LRRC7: variants seen among roughly 807,000 people sequenced by gnomAD.
LRRC7 encodes leucine rich repeat containing 7, also known as leucine-rich repeat-containing protein 7.
A neutral mutation model predicts 175.7 loss-of-function variants in LRRC7; 23 were observed. The ratio of observed to expected loss-of-function variants is 0.13; its 90% confidence interval spans 0.09 to 0.19. The LOEUF is 0.19. Ranked by LOEUF, LRRC7 falls within the 10% of genes least tolerant of loss-of-function variation. The pLI, the probability that LRRC7 is intolerant of heterozygous loss-of-function variation, is 1.00. For synonymous variants in LRRC7, 685 were observed against 680.9 expected, an observed-to-expected ratio of 1.01 and a Z score of -0.09; for missense variants, 1,354 against 1,904.7, an observed-to-expected ratio of 0.71 and a Z score of 5.38.
rs186809146 is a variant in LRRC7 at position 69,901,105 on chromosome 1, G to A, written c.648-30402G>A. Among the ~76,000 whole-genome samples the A allele has an allele frequency of 2.0e-3, 301 of 152,138 alleles. 2 individuals are homozygous for A. Among genetic ancestry groups the A allele is most frequent in the Admixed American group, 3.5e-3 (53 of 15,270 alleles). On this transcript the variant is annotated intron_variant, in intron 7 of 26. Coordinates refer to ENST00000651989, the MANE Select transcript of LRRC7 (RefSeq NM_001370785.2). ...AAATGATATGATCAAATTATTTTGG[G>A]GTTTACTCTGGTGATGATGTTATGG...
chr1:69,988,011 A>G (rs921991792), intron 10 of LRRC7, among the ~76,000 whole-genome samples: 36 of 152,312 alleles, frequency 2.4e-4, no homozygotes, highest in African/African-American at 8.7e-4. Flanking sequence ...GTGATCAGAC[A>G]AATTTAGGAA....
intron 24 of LRRC7, among the ~76,000 whole-genome samples, chr1:70,081,050 A>G (rs769561223): frequency 1.7e-4 from 26 of 152,300 alleles, no homozygotes; most frequent in South Asian, 6.2e-4. Flanking sequence ...GCTTTAAAAA[A>G]CACTGATGTC....
At chr1:69,666,506 CT>C (rs1557569931) in intron 1 of LRRC7, among the ~76,000 whole-genome samples, 1 of 151,916 alleles carries the variant, frequency 6.6e-6, no homozygotes, top group Non-Finnish European at 1.5e-5. Context: ...AGTTATTGTT[CT>C]GTTTAGATTT....
At chr1:70,121,242 T>C (rs1278960286) in intron 26 of LRRC7, among the ~76,000 whole-genome samples, 1 of 152,058 alleles carries the variant, frequency 6.6e-6, no homozygotes, top group Admixed American at 6.6e-5. Context: ...ATAAGTATAC[T>C]TGCATTTAGC....
At chr1:69,967,065 C>T (rs563629053) in intron 8 of LRRC7, among the ~76,000 whole-genome samples, 37 of 152,258 alleles carry the variant, frequency 2.4e-4, no homozygotes, top group Middle Eastern at 3.4e-3. Context: ...AGTTCTCAGC[C>T]CTGCTCGCCC....
chr1:70,013,625 G>T (rs542424085), intron 13 of LRRC7, among the ~76,000 whole-genome samples: 1 of 151,820 alleles, frequency 6.6e-6, no homozygotes, highest in African/African-American at 2.4e-5. Flanking sequence ...TCCAATAACG[G>T]CATTATATTG....
chr1:69,841,820 G>A (rs1681769426), intron 7 of LRRC7, among the ~76,000 whole-genome samples: 1 of 152,084 alleles, frequency 6.6e-6, no homozygotes, highest in Non-Finnish European at 1.5e-5. Flanking sequence ...TATCTGTCAT[G>A]TGACCTTGAC....
intron 3 of LRRC7, among the ~76,000 whole-genome samples, chr1:69,778,580 A>G (rs544496387): frequency 2.0e-5 from 3 of 152,292 alleles, no homozygotes; most frequent in Non-Finnish European, 4.4e-5. Flanking sequence ...GCATTGCTGA[A>G]GACAAGACTA....
chr1:69,717,936 G>GAAAGAA (rs1557642073), intron 2 of LRRC7, among the ~76,000 whole-genome samples: 1 of 72,780 alleles, frequency 1.4e-5, no homozygotes, highest in Non-Finnish European at 2.6e-5. Context: ...AGAAAAGAAA[G>GAAAGAA]AAAGAAAGAA....
chr1:69,618,033 A>G (rs1649960395), intron 1 of LRRC7, among the ~76,000 whole-genome samples: 2 of 152,144 alleles, frequency 1.3e-5, no homozygotes, highest in South Asian at 4.1e-4. Context: ...ATCTGACTAG[A>G]CAAAATGGGA....
At chr1:69,707,738 A>G (rs561996290) in intron 2 of LRRC7, among the ~76,000 whole-genome samples, 12 of 152,292 alleles carry the variant, frequency 7.9e-5, no homozygotes, top group African/African-American at 2.9e-4. Flanking sequence ...TCTAGACTAG[A>G]TTATAGTCTT....
chr1:69,948,693 C>T (rs114874021), intron 8 of LRRC7, among the ~76,000 whole-genome samples: 3,851 of 152,252 alleles, frequency 0.025, 101 homozygotes, highest in Admixed American at 0.082. Context: ...GCTACTTTTA[C>T]GAGGCACTCT....
rs1260616397 is a variant in LRRC7, at chr1:70,142,027, A to AAG, written c.*20141_*20142insGA. Reference sequence around the variant, plus strand: ...ACCCTTCCCCAACCCTCTACTAAAGAATATTTCTTATTTAGTCAGGAAATC... The same window carrying AAG: ...ACCCTTCCCCAACCCTCTACTAAAGAAGATATTTCTTATTTAGTCAGGAAATC... On this transcript the variant is annotated 3_prime_UTR_variant, in exon 27 of 27. Transcript: ENST00000651989. 6.6e-6 allele frequency: 1 copy of AAG among 151,810 alleles called. No homozygotes were observed. Among genetic ancestry groups the AAG allele is most frequent in the African/African-American group, 2.4e-5 (1 of 41,162 alleles). 9.4% of individuals were successfully genotyped at this position (151,810 alleles called of 1,614,324 possible).
chr1:70,034,726 T>G (rs980775653), intron 18 of LRRC7, among the ~76,000 whole-genome samples: 32 of 152,256 alleles, frequency 2.1e-4, no homozygotes, highest in African/African-American at 7.2e-4. Context: ...CTAAGCTGAG[T>G]CTCAGAACCC....
chr1:69,915,558 A>T (rs1646660507), intron 7 of LRRC7, among the ~76,000 whole-genome samples: 1 of 152,156 alleles, frequency 6.6e-6, no homozygotes, highest in African/African-American at 2.4e-5. Context: ...AACTATTTCC[A>T]TCTGTTAGAG....
intron 7 of LRRC7, among the ~76,000 whole-genome samples, chr1:69,920,853 A>G (rs933545611): frequency 1.3e-5 from 2 of 152,108 alleles, no homozygotes; most frequent in Non-Finnish European, 2.9e-5. Context: ...TTTGGTGCTT[A>G]TTGTTTGTTT....
chr1:69,804,408 T>A (rs1676876575), intron 4 of LRRC7, among the ~76,000 whole-genome samples: 1 of 151,592 alleles, frequency 6.6e-6, no homozygotes, highest in African/African-American at 2.4e-5. Context: ...ACTTGAAATA[T>A]TTACCTTCTT....
At chr1:69,824,392 C>G (rs1357486084) in intron 4 of LRRC7, among the ~76,000 whole-genome samples, 4 of 152,070 alleles carry the variant, frequency 2.6e-5, no homozygotes, top group Non-Finnish European at 1.5e-5. Context: ...CTAGGTGTTT[C>G]GGCCTTCCAA....
chr1:70,048,518 G>A (rs1660507016), intron 22 of LRRC7, among the ~76,000 whole-genome samples: 1 of 151,998 alleles, frequency 6.6e-6, no homozygotes, highest in African/African-American at 2.4e-5. Flanking sequence ...TTTCTCAAAT[G>A]TTTGTAAAAC....
Sources: gnomAD v4.1 joint callset for allele counts (sites outside exome capture counted in the v4.1 genomes callset) on GRCh38, gnomAD v4.1.1 for gene constraint, MANE v1.5 for transcripts, NCBI Gene and HGNC (gene_info 2026-07-23, HGNC 2026-07-21) for gene names.